SH3RF3: variants seen among roughly 807,000 people sequenced by gnomAD.
The protein encoded by SH3RF3 is E3 ubiquitin-protein ligase SH3RF3.
In SH3RF3, 29 loss-of-function variants were observed where a neutral mutation model predicts 66.3. The observed-to-expected ratio is 0.44, with a 90% CI of 0.33 to 0.60. The LOEUF (loss-of-function observed/expected upper bound fraction) is 0.60, where lower values mean the gene tolerates loss of function less well. SH3RF3 is among the 20% of genes least tolerant of loss of function. The probability of loss-of-function intolerance (pLI) is 0.04; values close to 1 mark genes in which losing one functional copy is unlikely to be tolerated. For synonymous variants in SH3RF3, 583 were observed against 532.0 expected (o/e 1.10, Z -1.32); for missense variants, 1,194 against 1,190.9 (o/e 1.00, Z -0.04).
At chr2:109,499,957 A>C (rs1001695302) in intron 9 of SH3RF3, among the ~76,000 whole-genome samples, 2 of 152,156 alleles carry the variant, frequency 1.3e-5, no homozygotes, top group African/African-American at 4.8e-5. Context: ...GCAGGGAGGC[A>C]GCGAGTGGGG....
chr2:109,390,677 C>T (rs1675962765), intron 3 of SH3RF3, among the ~76,000 whole-genome samples: 1 of 152,122 alleles, frequency 6.6e-6, no homozygotes, highest in African/African-American at 2.4e-5. Flanking sequence ...TGGCGAGACC[C>T]ATGGACTCTG....
intron 3 of SH3RF3, among the ~76,000 whole-genome samples, chr2:109,388,538 C>T (rs1675890264): frequency 6.6e-6 from 1 of 152,310 alleles, no homozygotes; most frequent in Non-Finnish European, 1.5e-5. Context: ...AGTTACAGCT[C>T]TGTAGAGGGG....
intron 1 of SH3RF3, among the ~76,000 whole-genome samples, chr2:109,336,618 T>G (rs1682427595): frequency 6.6e-6 from 1 of 152,238 alleles, no homozygotes; most frequent in Admixed American, 6.5e-5. Flanking sequence ...AAATGCTCTT[T>G]GCAGCAAACC....
intron 9 of SH3RF3, among the ~76,000 whole-genome samples, chr2:109,493,413 AC>A (rs1156678557): frequency 2.6e-5 from 4 of 151,548 alleles, no homozygotes; most frequent in Non-Finnish European, 5.9e-5. Context: ...CACCACACAT[AC>A]ATCATGCAAA....
intron 2 of SH3RF3, among the ~76,000 whole-genome samples, chr2:109,356,063 C>T (rs1272666187): frequency 6.6e-6 from 1 of 152,146 alleles, no homozygotes; most frequent in East Asian, 1.9e-4. Flanking sequence ...CATTGCCCAG[C>T]ACTCAAACAT....
At chr2:109,311,803 C>T (rs946329112) in intron 1 of SH3RF3, among the ~76,000 whole-genome samples, 4 of 152,202 alleles carry the variant, frequency 2.6e-5, no homozygotes, top group Admixed American at 6.5e-5. Flanking sequence ...ATGGCAGAGA[C>T]AGCAAACTTT....
intron 1 of SH3RF3, among the ~76,000 whole-genome samples, chr2:109,141,942 C>T (rs1305933060): frequency 1.3e-5 from 2 of 152,102 alleles, no homozygotes; most frequent in African/African-American, 4.8e-5. Flanking sequence ...CCTTTCTACA[C>T]TCACGGAAGT....
At chr2:109,492,290 G>A (rs577616253) in intron 9 of SH3RF3, among the ~76,000 whole-genome samples, 14 of 152,304 alleles carry the variant, frequency 9.2e-5, no homozygotes, top group Non-Finnish European at 1.8e-4. Context: ...AGCCGCAGGC[G>A]CAGTTTGCCA....
chr2:109,452,865 A>G (rs1163764265), intron 8 of SH3RF3, among the ~76,000 whole-genome samples: 3 of 96,792 alleles, frequency 3.1e-5, no homozygotes, highest in African/African-American at 4.2e-5. Flanking sequence ...TGGTCCCGGG[A>G]GGCTGGTGCC....
intron 1 of SH3RF3, among the ~76,000 whole-genome samples, chr2:109,146,176 C>T (rs1220736626): frequency 2.0e-5 from 3 of 152,150 alleles, no homozygotes; most frequent in Non-Finnish European, 4.4e-5. Flanking sequence ...TATTAGAATG[C>T]ATGGTACACT....
At chr2:109,270,189 TG>T (rs1186679011) in intron 1 of SH3RF3, among the ~76,000 whole-genome samples, 1 of 152,026 alleles carries the variant, frequency 6.6e-6, no homozygotes, top group Admixed American at 6.5e-5. Context: ...ATCAGCAAAT[TG>T]GGGCAGCATG....
intron 1 of SH3RF3, among the ~76,000 whole-genome samples, chr2:109,149,873 G>A (rs1406193274): frequency 6.6e-6 from 1 of 152,200 alleles, no homozygotes; most frequent in Non-Finnish European, 1.5e-5. Context: ...TTTTCTGCTC[G>A]TGGATATTTT....
chr2:109,187,394 C>T, intron 1 of SH3RF3, among the ~76,000 whole-genome samples: 1 of 151,012 alleles, frequency 6.6e-6, no homozygotes, highest in Non-Finnish European at 1.5e-5. Flanking sequence ...TTAGAAAAAG[C>T]TAAGATGGTG....
intron 1 of SH3RF3, among the ~76,000 whole-genome samples, chr2:109,292,775 C>G (rs533405104): frequency 1.3e-5 from 2 of 152,158 alleles, no homozygotes; most frequent in African/African-American, 4.8e-5. Flanking sequence ...TCTTGTTGCC[C>G]AGGCTGGAGT....
intron 3 of SH3RF3, among the ~76,000 whole-genome samples, chr2:109,376,450 A>T (rs1683386523): frequency 6.6e-6 from 1 of 152,072 alleles, no homozygotes; most frequent in Admixed American, 6.5e-5. Flanking sequence ...TTGCATGGAG[A>T]CTTAGAAGGC....
intron 1 of SH3RF3, among the ~76,000 whole-genome samples, chr2:109,335,681 G>A (rs1057240264): frequency 2.0e-5 from 3 of 152,060 alleles, no homozygotes; most frequent in African/African-American, 7.2e-5. Context: ...AACTCCACCC[G>A]GGTGGGGACC....
chr2:109,489,868 T>G (rs1485770791), intron 8 of SH3RF3, among the ~76,000 whole-genome samples: 2 of 152,154 alleles, frequency 1.3e-5, no homozygotes, highest in East Asian at 1.9e-4. Flanking sequence ...CTCCTGAGTA[T>G]CTGGGATTAC....
At chr2:109,401,835 T>A (rs1351387115) in intron 4 of SH3RF3, among the ~76,000 whole-genome samples, 1 of 152,210 alleles carries the variant, frequency 6.6e-6, no homozygotes, top group African/African-American at 2.4e-5. Context: ...TGATGTCTAT[T>A]GGGGCTGGAA....
chr2:109,501,962 G>A lies in SH3RF3; in HGVS notation c.*291G>A. The A allele has an allele frequency of 2.8e-6, 1 of 363,578 alleles. No individual in the cohort carries two copies. The highest frequency in any genetic ancestry group is 4.7e-5 in the East Asian group (1 of 21,372). 22.5% of individuals were successfully genotyped at this position (363,578 alleles called of 1,614,324 possible). Reference sequence around the variant, plus strand: ...GAGAGGCAGGTGCCGGCGCAGGCAGGCCTGTGGCTGTGGTTTGCAGCCATG... The same window carrying A: ...GAGAGGCAGGTGCCGGCGCAGGCAGACCTGTGGCTGTGGTTTGCAGCCATG... On this transcript the variant is annotated 3_prime_UTR_variant, in exon 10 of 10. Coordinates refer to ENST00000309415, the MANE Select transcript of SH3RF3 (RefSeq NM_001099289.3).
Sources: gnomAD v4.1 joint callset for allele counts (sites outside exome capture counted in the v4.1 genomes callset) on GRCh38, gnomAD v4.1.1 for gene constraint, MANE v1.5 for transcripts, NCBI Gene and HGNC (gene_info 2026-07-23, HGNC 2026-07-21) for gene names.